The following ANKRD42 variants were observed in gnomAD, a reference collection of about 807,000 sequenced individuals.
The protein encoded by ANKRD42 is ankyrin repeat domain 42, also known as ankyrin repeat domain-containing protein 42.
ANKRD42 carries 43 observed loss-of-function variants against 51.5 expected under a neutral mutation model. The observed-to-expected ratio is 0.83, with a 90% CI of 0.65 to 1.08. The LOEUF is 1.08. Ranked by LOEUF, ANKRD42 falls within the 50% of genes least tolerant of loss-of-function variation. ANKRD42 has a pLI of 0.00. For synonymous variants in ANKRD42, 203 were observed against 213.0 expected, an observed-to-expected ratio of 0.95 and a Z score of 0.41; for missense variants, 608 against 629.3, an observed-to-expected ratio of 0.97 and a Z score of 0.36.
chr11:83,218,031 A>C (rs770202509), intron 5 of ANKRD42, among the ~76,000 whole-genome samples: 6 of 152,196 alleles, frequency 3.9e-5, no homozygotes, highest in Non-Finnish European at 8.8e-5. Context: ...GTTTTCTCCT[A>C]ATGTCAGCCA....
At chr11:83,241,761 T>C (rs1863394932) in intron 9 of ANKRD42, among the ~76,000 whole-genome samples, 1 of 152,174 alleles carries the variant, frequency 6.6e-6, no homozygotes, top group Non-Finnish European at 1.5e-5. Flanking sequence ...AAATAGCCAT[T>C]GTTGGGATTC....
In ANKRD42 at chr11:83,194,703, T is replaced by C; in HGVS notation, c.33T>C (p.Thr11=). 6.2e-7 allele frequency: 1 copy of C among 1,611,902 alleles called. No homozygotes were observed. Among genetic ancestry groups the C allele is most frequent in the Non-Finnish European group, 8.5e-7 (1 of 1,178,918 alleles). The change falls in exon 1 of 11, where the codon ACT becomes ACC. Residue 11 remains threonine (T), a synonymous_variant. Coordinates refer to ENST00000533342, the MANE Select transcript of ANKRD42 (RefSeq NM_001300975.2). MPGVANSGPS[T]SSRETANPCS... The stretch of plus-strand genomic sequence containing the variant: ...GGGTGGCCAATTCAGGCCCCTCCAC[T>C]TCCTCTAGGGAGACTGCAAACCCCT...
downstream of ANKRD42, among the ~76,000 whole-genome samples, chr11:83,250,680 A>T (rs1354659306): frequency 2.0e-5 from 3 of 151,450 alleles, no homozygotes; most frequent in Non-Finnish European, 3.0e-5. Context: ...TGCTTGAATT[A>T]AAAAAAAATG....
At position 83,193,783 on chromosome 11, in the gene ANKRD42, T is replaced by G. The variant is rs1390470358; in HGVS notation, c.-888T>G. 1 of 451,228 alleles carries G rather than the reference T, an allele frequency of 2.2e-6. No homozygotes were observed. The highest frequency in any genetic ancestry group is 2.0e-5 in the African/African-American group (1 of 49,590). 28.0% of individuals were successfully genotyped at this position (451,228 alleles called of 1,614,324 possible). On this transcript the variant is annotated 5_prime_UTR_variant, in exon 1 of 11. Coordinates refer to ENST00000533342, the MANE Select transcript of ANKRD42 (RefSeq NM_001300975.2). ...TGGAGTCGGGAGGCTGGAAAGAGACTCCGAGAAAGTACCAGCGGAAGGCGG... is the reference window on the plus strand; with the variant it reads ...TGGAGTCGGGAGGCTGGAAAGAGACGCCGAGAAAGTACCAGCGGAAGGCGG...
At chr11:83,205,227 T>G (rs1487704887) in intron 2 of ANKRD42, among the ~76,000 whole-genome samples, 1 of 152,260 alleles carries the variant, frequency 6.6e-6, no homozygotes, top group Non-Finnish European at 1.5e-5. Context: ...CTCTAGTACC[T>G]GAACAATGCA....
intron 9 of ANKRD42, among the ~76,000 whole-genome samples, chr11:83,243,472 A>G (rs1863450072): frequency 6.6e-6 from 1 of 152,192 alleles, no homozygotes; most frequent in South Asian, 2.1e-4. Flanking sequence ...CCCATAGAAC[A>G]GGCTTTACGA....
At chr11:83,212,645 C>T in intron 5 of ANKRD42, 1 of 1,533,880 alleles carries the variant, frequency 6.5e-7, no homozygotes, top group Non-Finnish European at 8.7e-7. Flanking sequence ...AATCACTTTG[C>T]TATTTAGAAC....
At chr11:83,200,666 C>T (rs1423404250) in intron 2 of ANKRD42, among the ~76,000 whole-genome samples, 3 of 152,258 alleles carry the variant, frequency 2.0e-5, no homozygotes, top group South Asian at 4.1e-4. Context: ...CCTCTCCATC[C>T]CCATAACCAT....
At chr11:83,264,100 G>C (rs186235138), downstream of ANKRD42, among the ~76,000 whole-genome samples, 5 of 152,250 alleles carry the variant, frequency 3.3e-5, no homozygotes, top group East Asian at 9.7e-4. Flanking sequence ...AGATATGTGT[G>C]TGTGTATGTG....
At position 83,247,959 on chromosome 11, in the gene ANKRD42, C is replaced by T; in HGVS notation, c.1339C>T (p.Gln447Ter). The T allele has an allele frequency of 6.2e-7, 1 of 1,610,316 alleles. No individual in the cohort carries two copies. The highest frequency in any genetic ancestry group is 8.5e-7 in the Non-Finnish European group (1 of 1,178,814). The part of the protein sequence containing the change: ...LESEKTIKEL[Q>*]GQLEYERLRR... The stretch of plus-strand genomic sequence containing the variant: ...TTTTGATAGGACCATCAAAGAACTG[C>T]AGGGCCAGCTGGAGTATGAACGACT... The change falls in exon 11 of 11, where the codon CAG (glutamine) becomes TAG (stop). Residue 447 changes from glutamine (Q) to a stop codon, truncating the protein, a stop_gained. Transcript: ENST00000533342. LOFTEE classifies it low-confidence loss of function (END_TRUNC).
At chr11:83,210,604 C>T (rs1002784503) in intron 4 of ANKRD42, among the ~76,000 whole-genome samples, 185 bp downstream of exon 4, 1 of 152,124 alleles carries the variant, frequency 6.6e-6, no homozygotes, top group African/African-American at 2.4e-5. Flanking sequence ...GTCTTCTCTT[C>T]CCCCCCAAAA....
intron 2 of ANKRD42, among the ~76,000 whole-genome samples, chr11:83,201,948 T>C (rs914192147): frequency 9.8e-5 from 15 of 152,338 alleles, no homozygotes; most frequent in African/African-American, 2.6e-4. Flanking sequence ...AGGTTGCCTG[T>C]TCACTCTGAT....
chr11:83,254,815 G>A (rs970497755), intron 11 of ANKRD42, among the ~76,000 whole-genome samples: 2 of 152,046 alleles, frequency 1.3e-5, no homozygotes. Flanking sequence ...CCCAATCAAA[G>A]GTTTGTTATT....
chr11:83,232,839 C>T (rs551465686), intron 7 of ANKRD42, among the ~76,000 whole-genome samples: 1 of 152,206 alleles, frequency 6.6e-6, no homozygotes, highest in East Asian at 1.9e-4. Flanking sequence ...TTGAAATGAT[C>T]ATATATGGTT....
intron 9 of ANKRD42, among the ~76,000 whole-genome samples, chr11:83,242,366 G>A (rs1344233952): frequency 1.3e-5 from 2 of 152,014 alleles, no homozygotes; most frequent in African/African-American, 4.8e-5. Flanking sequence ...GGGGGCTATC[G>A]CTATAGTTCA....
At chr11:83,229,893 G>T (rs12275042) in intron 7 of ANKRD42, among the ~76,000 whole-genome samples, 3,393 of 152,040 alleles carry the variant, frequency 0.022, 111 homozygotes, top group African/African-American at 0.077. Flanking sequence ...TATGTTTATG[G>T]GGTATGTGAG....
At chr11:83,220,832 G>C (rs1188579830) in intron 5 of ANKRD42, among the ~76,000 whole-genome samples, 1 of 152,094 alleles carries the variant, frequency 6.6e-6, no homozygotes, top group Non-Finnish European at 1.5e-5. Context: ...TTTGACCTTT[G>C]AGAGTTTGAT....
intron 3 of ANKRD42, 82 bp downstream of exon 3, chr11:83,206,247 C>T: frequency 8.7e-7 from 1 of 1,149,876 alleles, no homozygotes; most frequent in Non-Finnish European, 1.3e-6. Flanking sequence ...AATTATTTGA[C>T]TCAATAGATT....
Position 83,224,869 on chromosome 11 carries a change from A to G in ANKRD42, c.601A>G (p.Met201Val), listed in dbSNP as rs151071808. The G allele has an allele frequency of 2.5e-6, 4 of 1,601,016 alleles. No homozygotes were observed. The highest frequency in any genetic ancestry group is 1.3e-5 in the African/African-American group (1 of 74,846). Residue 201 changes from methionine to valine, a missense_variant, in exon 6 of 11, where the codon ATG (methionine) becomes GTG (valine). Met to Val is a conservative substitution (Grantham distance 21, BLOSUM62 1). Transcript: ENST00000533342. ...CTTTCCTCTAGTTCACTTAGCAGCC[A>G]TGGAAGGCCACCTTCACTGTTTCAA... ...NGNLPVHLAA[M>V]EGHLHCFKFL...
Sources: allele counts gnomAD v4.1 joint callset (sites outside exome capture counted in the v4.1 genomes callset), GRCh38; gene constraint gnomAD v4.1.1; transcripts MANE v1.5; gene names NCBI Gene and HGNC (gene_info 2026-07-23, HGNC 2026-07-21).